Variants in TTC38 observed in about 807,000 individuals in gnomAD.
TTC38 encodes tetratricopeptide repeat domain 38, also known as tetratricopeptide repeat protein 38.
Under a neutral mutation model 64.2 loss-of-function variants are expected in TTC38, and 64 were observed. That is an observed-to-expected ratio of 1.00 (90% CI 0.81 to 1.23). The LOEUF (loss-of-function observed/expected upper bound fraction) is 1.23. TTC38 is among the 50% of genes most tolerant of loss of function. The pLI is 0.00. For synonymous variants in TTC38, 254 were observed against 249.3 expected (o/e 1.02, Z -0.18); for missense variants, 573 against 615.5 (o/e 0.93, Z 0.73).
At chr22:46,277,209 A>G (rs900728820) in intron 5 of TTC38, among the ~76,000 whole-genome samples, 1 of 152,062 alleles carries the variant, frequency 6.6e-6, no homozygotes, top group Non-Finnish European at 1.5e-5. Flanking sequence ...CAGAAGCCCT[A>G]TTGCCCTATT....
rs771921983 is a variant in TTC38, at chr22:46,268,527, C to T, written c.47C>T (p.Ala16Val). 1.7e-5 allele frequency: 28 copies of T among 1,613,886 alleles called. No homozygotes were observed. The highest frequency in any genetic ancestry group is 5.0e-5 in the Admixed American group (3 of 60,002). Residue 16 changes from alanine (A) to valine (V), a missense_variant, in exon 2 of 14, where the codon GCG (alanine) becomes GTG (valine). Around this residue, in one of 3 missense-constraint regions of TTC38, gnomAD observed 134 missense variants for 126.5 expected, o/e 1.06. Transcript: ENST00000381031. Reference protein sequence around the residue: ...PLRDCQAWKDARLPLSTTSNE... With the variant: ...PLRDCQAWKDVRLPLSTTSNE... ...TGCCGTCTGTAGGCCTGGAAGGATG[C>T]GAGGCTCCCGCTCTCCACCACAAGC...
intron 5 of TTC38, among the ~76,000 whole-genome samples, chr22:46,278,054 C>T (rs1445604490): frequency 6.6e-6 from 1 of 152,212 alleles, no homozygotes; most frequent in Non-Finnish European, 1.5e-5. Flanking sequence ...CCTCACCAGT[C>T]AGAAGCATGG....
At chr22:46,278,421 G>T (rs1373966552) in intron 5 of TTC38, among the ~76,000 whole-genome samples, 165 bp from the exon 6 acceptor site, 1 of 152,090 alleles carries the variant, frequency 6.6e-6, no homozygotes, top group South Asian at 2.1e-4. Context: ...CCCTAATCCC[G>T]TATGACCTCC....
rs538624067 is a variant in TTC38 at position 46,271,882 on chromosome 22, T to C, written c.112-453T>C. ...GCCCTAGAAAGTGTGCCTTGGGTGA[T>C]GTGTATTTCATTTCTTCGTATGAAG... is the stretch of plus-strand genomic sequence containing the variant. On this transcript the variant is annotated intron_variant, in intron 2 of 13. Transcript: ENST00000381031. The surrounding 1 kb of genome is among the most constrained non-coding windows in gnomAD (Gnocchi z 5.5). Among the ~76,000 whole-genome samples, 1 of 152,362 alleles carries C rather than the reference T, an allele frequency of 6.6e-6. No individual in the cohort carries two copies. The highest frequency in any genetic ancestry group is 1.5e-5 in the Non-Finnish European group (1 of 68,034).
intron 9 of TTC38, among the ~76,000 whole-genome samples, chr22:46,285,691 G>T (rs1601881514): frequency 6.7e-6 from 1 of 149,316 alleles, no homozygotes; most frequent in African/African-American, 2.5e-5. Flanking sequence ...TTTTTTCTTT[G>T]CTGTGATAAA....
intron 6 of TTC38, chr22:46,280,278 C>A: frequency 2.2e-6 from 1 of 457,624 alleles, no homozygotes; most frequent in South Asian, 1.6e-5. Context: ...ATCCAAGTGG[C>A]TCAATGGGTG....
Position 46,270,582 on chromosome 22 carries a change from C to A in TTC38, c.112-1753C>A, listed in dbSNP as rs1333936415. The stretch of plus-strand genomic sequence containing the variant: ...GCGCGGTGACTCACGCCTGTAATCC[C>A]AGCACTTTGGGAGGCTGAGGCAGGT... On this transcript the variant is annotated intron_variant, in intron 2 of 13. Coordinates refer to ENST00000381031, the MANE Select transcript of TTC38 (RefSeq NM_017931.4). This position sits in a 1 kb window ranked among gnomAD's most constrained non-coding sequence, Gnocchi z 4.7. Among the ~76,000 whole-genome samples the A allele has an allele frequency of 6.6e-6, 1 of 152,208 alleles. No homozygotes were observed. The highest frequency in any genetic ancestry group is 2.4e-5 in the African/African-American group (1 of 41,458).
chr22:46,286,398 C>T (rs1233669821), intron 9 of TTC38, among the ~76,000 whole-genome samples: 1 of 152,064 alleles, frequency 6.6e-6, no homozygotes, highest in African/African-American at 2.4e-5. Context: ...CGGTGGCTCA[C>T]ACATGTAATC....
At position 46,285,659 on chromosome 22, in the gene TTC38, A is replaced by G. The variant is rs1275410227; in HGVS notation, c.834+380A>G. Among the ~76,000 whole-genome samples the G allele has an allele frequency of 8.6e-5, 13 of 151,280 alleles. No individual in the cohort carries two copies. The South Asian group carries it at 2.5e-3, about 29-fold the overall frequency. On this transcript the variant is annotated intron_variant, in intron 9 of 13. Transcript: ENST00000381031. ...GCTCTTGTTGCCCAGGCTGGAGTGCAATGGTGCGATTGGCTGGAATTTTTT... is the reference window on the plus strand; with the variant it reads ...GCTCTTGTTGCCCAGGCTGGAGTGCGATGGTGCGATTGGCTGGAATTTTTT...
rs9627372 is a variant in TTC38 at position 46,276,403 on chromosome 22, G to C, written c.539+982G>C. On this transcript the variant is annotated intron_variant, in intron 5 of 13. Transcript: ENST00000381031. This position sits in a 1 kb window ranked among gnomAD's most constrained non-coding sequence, Gnocchi z 4.7. ...AAATCGCATCTAGAAATACCTTCAC[G>C]AGACTGGGCACAGTGGCTTATGCCT... is the stretch of plus-strand genomic sequence containing the variant. Among the ~76,000 whole-genome samples the C allele has an allele frequency of 1.3e-5, 2 of 152,116 alleles. No individual in the cohort carries two copies. Among genetic ancestry groups the C allele is most frequent in the African/African-American group, 2.4e-5 (1 of 41,406 alleles).
rs1301374027 is a variant in TTC38, at chr22:46,274,691, C to T, written c.366-557C>T. ...CACCTCAGAGACTTCCTGTGGCTGT[C>T]TCACGGTCTCCACTGGGATTATCTT... is the stretch of plus-strand genomic sequence containing the variant. On this transcript the variant is annotated intron_variant, in intron 4 of 13. Transcript: ENST00000381031. This position sits in a 1 kb window ranked among gnomAD's most constrained non-coding sequence, Gnocchi z 4.8. Among the ~76,000 whole-genome samples, 2 of 151,800 alleles carry T rather than the reference C, an allele frequency of 1.3e-5. No homozygotes were observed. Among genetic ancestry groups the T allele is most frequent in the South Asian group, 2.1e-4 (1 of 4,820 alleles).
Position 46,289,456 on chromosome 22 carries a change from G to GT in TTC38, c.1138dup (p.Cys380LeufsTer8), listed in dbSNP as rs1569026605. Reference sequence around the variant, plus strand: ...TGGCCCGAGACGTGGGGCTGCCCCTGTGCCAGGCCCTGGTGGAGGCTGAGG... The same window carrying GT: ...TGGCCCGAGACGTGGGGCTGCCCCTGTTGCCAGGCCCTGGTGGAGGCTGAGG... On this transcript the variant is annotated frameshift_variant, in exon 12 of 14. Transcript: ENST00000381031. LOFTEE classifies it high-confidence loss of function. 23 of 1,609,562 alleles carry GT rather than the reference G, an allele frequency of 1.4e-5. No individual in the cohort carries two copies. Among genetic ancestry groups the GT allele is most frequent in the Non-Finnish European group, 1.9e-5 (22 of 1,179,780 alleles).
At position 46,276,824 on chromosome 22, in the gene TTC38, A is replaced by AATATAT. The variant is rs57859102; in HGVS notation, c.539+1415_539+1420dup. Among the ~76,000 whole-genome samples, 2,277 of 139,496 alleles carry AATATAT rather than the reference A, an allele frequency of 0.016. 79 individuals carry two copies. Among genetic ancestry groups the AATATAT allele is most frequent in the African/African-American group, 0.059 (2,141 of 36,134 alleles). 91.5% of individuals were successfully genotyped at this position (139,496 alleles called of 152,430 possible). On this transcript the variant is annotated intron_variant, in intron 5 of 13. Coordinates refer to ENST00000381031, the MANE Select transcript of TTC38 (RefSeq NM_017931.4). The surrounding 1 kb of genome is among the most constrained non-coding windows in gnomAD (Gnocchi z 4.7). Reference sequence around the variant, plus strand: ...ATTATATATTAAAATATATATATTAAATATATATATATATATAAACATATA... The same window carrying AATATAT: ...ATTATATATTAAAATATATATATTAAATATATATATATATATATATATAAACATATA...
chr22:46,290,165 G>C (rs1039870573), intron 13 of TTC38, among the ~76,000 whole-genome samples: 1 of 150,816 alleles, frequency 6.6e-6, no homozygotes, highest in African/African-American at 2.4e-5. Context: ...ACGTAAACAC[G>C]TCCTGCTCTT....
chr22:46,283,462 A>T (rs558931431), intron 7 of TTC38, among the ~76,000 whole-genome samples: 51 of 152,232 alleles, frequency 3.4e-4, no homozygotes, highest in Middle Eastern at 3.4e-3. Flanking sequence ...CTCCTTGGTA[A>T]ATGCAGCATA....
At position 46,292,141 on chromosome 22, in the gene TTC38, G is replaced by T; in HGVS notation, c.1317-650G>T. 1 of 414,674 alleles carries T rather than the reference G, an allele frequency of 2.4e-6. No individual in the cohort carries two copies. Among genetic ancestry groups the T allele is most frequent in the South Asian group, 1.8e-5 (1 of 54,086 alleles). The allele number at this position is 414,674 out of a possible 1,614,324, so 25.7% of individuals were successfully genotyped here. A position where few individuals can be genotyped will look rare whatever the true frequency, so the allele number is the denominator to read the frequency against. On this transcript the variant is annotated intron_variant, in intron 13 of 13. Coordinates refer to ENST00000381031, the MANE Select transcript of TTC38 (RefSeq NM_017931.4). The surrounding 1 kb of genome is among the most constrained non-coding windows in gnomAD (Gnocchi z 6.5). ...TGTGTCCTCACATGACCTTTCCTTT[G>T]AGTGCTAATTCTTTCACGTCTCTTC... is the stretch of plus-strand genomic sequence containing the variant.
rs2077537345 is a variant in TTC38 at position 46,281,825 on chromosome 22, G to A, written c.735+107G>A. 3 of 1,488,326 alleles carry A rather than the reference G, an allele frequency of 2.0e-6. No individual in the cohort carries two copies. Among genetic ancestry groups the A allele is most frequent in the African/African-American group, 1.4e-5 (1 of 72,272 alleles). The allele number at this position is 1,488,326 out of a possible 1,614,324, so 92.2% of individuals were successfully genotyped here. A position where few individuals can be genotyped will look rare whatever the true frequency, so the allele number is the denominator to read the frequency against. ...TTACAGGGCATGGCTTAATTCTCGG[G>A]GTTCCCTCTCCTCCTCCACCTGCAC... On this transcript the variant is annotated intron_variant, in intron 7 of 13. Coordinates refer to ENST00000381031, the MANE Select transcript of TTC38 (RefSeq NM_017931.4). This position sits in a 1 kb window ranked among gnomAD's most constrained non-coding sequence, Gnocchi z 5.2.
rs1936885172 is a variant in TTC38 at position 46,271,109 on chromosome 22, T to C, written c.112-1226T>C. Among the ~76,000 whole-genome samples, 1 of 152,248 alleles carries C rather than the reference T, an allele frequency of 6.6e-6. No individual in the cohort carries two copies. The highest frequency in any genetic ancestry group is 2.4e-5 in the African/African-American group (1 of 41,462). Reference sequence around the variant, plus strand: ...TAAAATAAATGTTTTCTGTGAATATTTTTAAAACGAATGAATAAGAAGCAG... The same window carrying C: ...TAAAATAAATGTTTTCTGTGAATATCTTTAAAACGAATGAATAAGAAGCAG... On this transcript the variant is annotated intron_variant, in intron 2 of 13. Transcript: ENST00000381031. This position sits in a 1 kb window ranked among gnomAD's most constrained non-coding sequence, Gnocchi z 5.5.
rs1417283341 is a variant in TTC38, at chr22:46,291,064, A to G, written c.1316+1165A>G. Among the ~76,000 whole-genome samples the G allele has an allele frequency of 6.6e-6, 1 of 152,122 alleles. No individual in the cohort carries two copies. The highest frequency in any genetic ancestry group is 1.5e-5 in the Non-Finnish European group (1 of 68,022). On this transcript the variant is annotated intron_variant, in intron 13 of 13. Coordinates refer to ENST00000381031, the MANE Select transcript of TTC38 (RefSeq NM_017931.4). This position sits in a 1 kb window ranked among gnomAD's most constrained non-coding sequence, Gnocchi z 4.6. ...AGCGCAGCTCCCTCCAGGCAGGGTT[A>G]CCCAAACTGAGCTGTACAGGTTCTG...
Sources: gnomAD v4.1 joint callset for allele counts (sites outside exome capture counted in the v4.1 genomes callset) on GRCh38, gnomAD v4.1.1 for gene constraint, gnomAD v4.1.1 regional missense constraint, Gnocchi (gnomAD v3.1) non-coding constraint, MANE v1.5 for transcripts, NCBI Gene and HGNC (gene_info 2026-07-23, HGNC 2026-07-21) for gene names.